Variants in KLF8 observed in about 807,000 individuals in gnomAD.
KLF8 encodes the protein Krueppel-like factor 8.
A neutral mutation model predicts 18.2 loss-of-function variants in KLF8; 10 were observed. That is an observed-to-expected ratio of 0.55 (90% CI 0.34 to 0.93). KLF8 has a LOEUF of 0.93. Among genes scored for constraint, KLF8 ranks in the 40% least tolerant of loss-of-function variants. KLF8 has a pLI of 0.02. For synonymous variants in KLF8, 109 were observed against 97.3 expected (o/e 1.12, Z -0.71); for missense variants, 264 against 277.9 (o/e 0.95, Z 0.36).
At chrX:56,178,121 C>A in the KLF8 span, among the ~76,000 whole-genome samples, 1 of 111,967 alleles carries the variant, frequency 8.9e-6, no homozygotes, top group African/African-American at 3.2e-5. Flanking sequence ...CACCCACTTT[C>A]TGACACTCCG....
At chrX:56,200,433 C>CA in the KLF8 span, among the ~76,000 whole-genome samples, 9 of 109,075 alleles carry the variant, frequency 8.3e-5, no homozygotes, top group East Asian at 2.0e-3. Context: ...CATTCACATG[C>CA]AAAAAAAGTG....
At chrX:55,975,017 A>C in the KLF8 span, among the ~76,000 whole-genome samples, 8 of 112,156 alleles carry the variant, frequency 7.1e-5, no homozygotes, top group African/African-American at 2.3e-4. Context: ...TAGCTATTGT[A>C]AATGGGATTA....
the KLF8 span, among the ~76,000 whole-genome samples, chrX:56,146,677 C>A: frequency 2.0e-5 from 2 of 102,345 alleles, no homozygotes; most frequent in Non-Finnish European, 4.0e-5. Flanking sequence ...CAAACCTGCA[C>A]GTTCTGCACA....
chrX:56,127,830 T>G, the KLF8 span, among the ~76,000 whole-genome samples: 3 of 111,888 alleles, frequency 2.7e-5, no homozygotes, highest in East Asian at 8.4e-4. Context: ...AACAATAAAT[T>G]GAGTATCTAC....
the KLF8 span, among the ~76,000 whole-genome samples, chrX:56,184,573 A>T: frequency 8.9e-6 from 1 of 112,151 alleles, no homozygotes; most frequent in Non-Finnish European, 1.9e-5. Context: ...CTGCCTCCTC[A>T]AGTGCGTCCC....
the KLF8 span, among the ~76,000 whole-genome samples, chrX:55,980,103 A>G: frequency 8.9e-6 from 1 of 112,006 alleles, no homozygotes; most frequent in Non-Finnish European, 1.9e-5. Flanking sequence ...GAGGCTTTGA[A>G]TGGGCTGATG....
At chrX:56,179,890 G>A in the KLF8 span, among the ~76,000 whole-genome samples, 6 of 111,719 alleles carry the variant, frequency 5.4e-5, no homozygotes, top group Non-Finnish European at 9.4e-5. Context: ...GATTCAGTTT[G>A]CCAGTATTTT....
At chrX:56,129,254 G>A in the KLF8 span, among the ~76,000 whole-genome samples, 1 of 112,156 alleles carries the variant, frequency 8.9e-6, no homozygotes, top group Admixed American at 9.4e-5. Flanking sequence ...AACTACTGCA[G>A]GAATAGACCA....
chrX:55,930,313 G>A, the KLF8 span, among the ~76,000 whole-genome samples: 3 of 111,657 alleles, frequency 2.7e-5, no homozygotes, highest in African/African-American at 9.8e-5. Flanking sequence ...TAAATATACA[G>A]TCATGCTATC....
the KLF8 span, among the ~76,000 whole-genome samples, chrX:56,110,125 T>A: frequency 8.9e-6 from 1 of 111,999 alleles, no homozygotes; most frequent in African/African-American, 3.2e-5. Flanking sequence ...TCCTTCCTTT[T>A]ATGGCTGCAT....
At chrX:55,947,821 C>T in the KLF8 span, among the ~76,000 whole-genome samples, 4 of 111,345 alleles carry the variant, frequency 3.6e-5, no homozygotes, top group Non-Finnish European at 7.5e-5. Flanking sequence ...ATAAGTCATG[C>T]CCCAATATTT....
At chrX:56,117,355 G>A in the KLF8 span, among the ~76,000 whole-genome samples, 7 of 111,896 alleles carry the variant, frequency 6.3e-5, no homozygotes, top group Non-Finnish European at 1.3e-4. Context: ...CTTGTGCTGA[G>A]TGCTGAGCAG....
the KLF8 span, among the ~76,000 whole-genome samples, chrX:56,187,555 G>A: frequency 3.0e-4 from 33 of 111,500 alleles, no homozygotes; most frequent in Non-Finnish European, 6.0e-4. Flanking sequence ...CCAAAGCCGG[G>A]CAGAGACACA....
the KLF8 span, among the ~76,000 whole-genome samples, chrX:56,077,406 C>T: frequency 7.1e-4 from 79 of 111,943 alleles, 1 homozygote; most frequent in East Asian, 0.02. Flanking sequence ...GGAATCCTTT[C>T]CCCATTTCTT....
chrX:55,942,349 A>C, the KLF8 span, among the ~76,000 whole-genome samples: 1 of 109,076 alleles, frequency 9.2e-6, no homozygotes, highest in Non-Finnish European at 1.9e-5. Flanking sequence ...GGGGAACATC[A>C]CACACCAGGG....
At chrX:56,195,904 C>A in the KLF8 span, among the ~76,000 whole-genome samples, 4 of 111,843 alleles carry the variant, frequency 3.6e-5, no homozygotes, top group African/African-American at 1.3e-4. Flanking sequence ...CCTTACAAGC[C>A]AGAAGAGAGT....
At chrX:56,136,251 TTTAAAG>T in the KLF8 span, among the ~76,000 whole-genome samples, 2 of 111,354 alleles carry the variant, frequency 1.8e-5, no homozygotes, top group Non-Finnish European at 3.8e-5. Context: ...AAAAAACTAC[TTTAAAG>T]TAAGTTCATA....
At chrX:56,128,443 C>G in the KLF8 span, among the ~76,000 whole-genome samples, 2 of 111,593 alleles carry the variant, frequency 1.8e-5, no homozygotes, top group Non-Finnish European at 3.8e-5. Context: ...TATCCTTTCG[C>G]CAGAGCTTTG....
the KLF8 span, among the ~76,000 whole-genome samples, chrX:56,180,214 A>G: frequency 9.1e-6 from 1 of 110,307 alleles, no homozygotes; most frequent in African/African-American, 3.3e-5. Context: ...CGGAAGGTGT[A>G]TATGTCCAGG....
Sources: gnomAD v4.1 joint callset for allele counts (sites outside exome capture counted in the v4.1 genomes callset) on GRCh38, gnomAD v4.1.1 for gene constraint, MANE v1.5 for transcripts, NCBI Gene and HGNC (gene_info 2026-07-23, HGNC 2026-07-21) for gene names.